Variants in BAZ1A observed in about 807,000 individuals in gnomAD.
The protein encoded by BAZ1A is bromodomain adjacent to zinc finger domain 1A, also known as bromodomain adjacent to zinc finger domain protein 1A.
BAZ1A carries 50 observed loss-of-function variants against 185.2 expected under a neutral mutation model. The ratio of observed to expected loss-of-function variants is 0.27; its 90% CI spans 0.22 to 0.34. The LOEUF is 0.34. Among genes scored for constraint, BAZ1A ranks in the 10% least tolerant of loss-of-function variants. The pLI is 1.00. For missense variants in BAZ1A, 1,356 were observed against 1,839.9 expected (o/e 0.74, Z 4.81); for synonymous variants, 571 against 615.6 (o/e 0.93, Z 1.07).
intron 2 of BAZ1A, among the ~76,000 whole-genome samples, chr14:34,868,081 T>G: frequency 6.6e-6 from 1 of 152,226 alleles, no homozygotes; most frequent in South Asian, 2.1e-4. Flanking sequence ...GCTCTTTCAA[T>G]CATCCTCTTC....
rs1555346592 is a variant in BAZ1A at position 34,872,930 on chromosome 14, A to AAAAAAC, written c.113+1561_113+1562insGTTTTT. On this transcript the variant is annotated intron_variant, in intron 2 of 26. Coordinates refer to ENST00000360310, the MANE Select transcript of BAZ1A (RefSeq NM_013448.3). ...TAAAATCCTAAAAAAAAAAAAAAAAAAAAAAAAAAAACTTGTCCAATTACC... is the reference window on the plus strand; with the variant it reads ...TAAAATCCTAAAAAAAAAAAAAAAAAAAAAACAAAAAAAAAAACTTGTCCAATTACC... Among the ~76,000 whole-genome samples the AAAAAAC allele has an allele frequency of 3.7e-5, 4 of 109,328 alleles. 1 individual carries two copies. Among genetic ancestry groups the AAAAAAC allele is most frequent in the Middle Eastern group, 4.4e-3 (1 of 226 alleles). 71.7% of individuals were successfully genotyped at this position (109,328 alleles called of 152,430 possible). A position where few individuals can be genotyped will look rare whatever the true frequency, so the allele number is the denominator to read the frequency against.
chr14:34,760,495 T>C (rs1253987506), intron 24 of BAZ1A, among the ~76,000 whole-genome samples: 2 of 151,938 alleles, frequency 1.3e-5, no homozygotes, highest in East Asian at 1.9e-4. Flanking sequence ...TGGCTTTTTT[T>C]TTTTTTTTGA....
intron 4 of BAZ1A, among the ~76,000 whole-genome samples, chr14:34,813,209 C>G (rs2041955246): frequency 1.7e-5 from 2 of 114,872 alleles, no homozygotes; most frequent in South Asian, 6.5e-4. Flanking sequence ...ATGGGGAAAC[C>G]TACAAAACAC....
chr14:34,777,023 G>A (rs115617592), intron 17 of BAZ1A, among the ~76,000 whole-genome samples: 2,874 of 152,318 alleles, frequency 0.019, 52 homozygotes, highest in African/African-American at 0.042. Flanking sequence ...ATCTAAAGGG[G>A]CATGCAAAAT....
At chr14:34,828,780 C>G (rs1218102726) in intron 3 of BAZ1A, 1 of 152,202 alleles carries the variant, frequency 6.6e-6, no homozygotes, top group Non-Finnish European at 1.5e-5. Context: ...CTCTAGCTTT[C>G]TAGAGACTCC....
intron 3 of BAZ1A, among the ~76,000 whole-genome samples, chr14:34,850,758 A>G (rs1040654069): frequency 1.2e-4 from 18 of 152,076 alleles, no homozygotes; most frequent in African/African-American, 4.3e-4. Context: ...TCTTGCACAC[A>G]CTCAACTTTC....
intron 11 of BAZ1A, among the ~76,000 whole-genome samples, chr14:34,793,499 C>A (rs1396620852): frequency 6.6e-6 from 1 of 152,192 alleles, no homozygotes; most frequent in Non-Finnish European, 1.5e-5. Context: ...AAAGAATATA[C>A]TTTTATTAAA....
At chr14:34,761,158 A>G (rs1886507345) in intron 24 of BAZ1A, among the ~76,000 whole-genome samples, 12 of 151,814 alleles carry the variant, frequency 7.9e-5, no homozygotes, top group Admixed American at 7.9e-4. Flanking sequence ...CATACCTGTA[A>G]TCCTGCTACT....
At chr14:34,768,400 C>T (rs889302026) in intron 21 of BAZ1A, among the ~76,000 whole-genome samples, 5 of 152,104 alleles carry the variant, frequency 3.3e-5, no homozygotes, top group Non-Finnish European at 5.9e-5. Context: ...ACATAAGTTC[C>T]ACAGCCATTC....
chr14:34,852,357 G>A (rs935851000), intron 3 of BAZ1A, among the ~76,000 whole-genome samples: 1 of 152,156 alleles, frequency 6.6e-6, no homozygotes, highest in African/African-American at 2.4e-5. Context: ...AATGGCTCAT[G>A]CCTGTAATCC....
chr14:34,794,856 C>T lies in BAZ1A; in HGVS notation c.1256G>A (p.Arg419Lys). Residue 419 changes from arginine (R) to lysine (K), a missense_variant, in exon 11 of 27, where the codon AGA becomes AAA. Around this residue, in one of 7 missense-constraint regions of BAZ1A, gnomAD observed 184 missense variants for 355.1 expected, o/e 0.52. Transcript: ENST00000360310. Reference sequence around the variant, plus strand: ...ATCACCAAAGATTTCAGGAGGTAGTCTAGTTTTCACTGGTGTTGGTTCTGG... The same window carrying T: ...ATCACCAAAGATTTCAGGAGGTAGTTTAGTTTTCACTGGTGTTGGTTCTGG... ...ELPEPTPVKT[R>K]LPPEIFGDAL... is the part of the protein sequence containing the mutation. 2 of 1,614,012 alleles carry T rather than the reference C, an allele frequency of 1.2e-6. No homozygotes were observed. Among genetic ancestry groups the T allele is most frequent in the Non-Finnish European group, 1.7e-6 (2 of 1,179,948 alleles).
At chr14:34,825,907 C>T (rs1594879254) in intron 4 of BAZ1A, 106 bp downstream of exon 4, 2 of 1,170,340 alleles carry the variant, frequency 1.7e-6, no homozygotes, top group Admixed American at 3.2e-5. Flanking sequence ...CACTGTACTC[C>T]AGCCTGGGCA....
At chr14:34,764,216 T>A (rs866685822) in intron 23 of BAZ1A, among the ~76,000 whole-genome samples, 1 of 152,120 alleles carries the variant, frequency 6.6e-6, no homozygotes, top group Non-Finnish European at 1.5e-5. Context: ...CTTGGGAATA[T>A]TTTTGAATGT....
intron 23 of BAZ1A, among the ~76,000 whole-genome samples, chr14:34,762,452 G>T (rs1886564902): frequency 6.6e-6 from 1 of 151,812 alleles, no homozygotes. Context: ...TATCTGCAAA[G>T]AGAATATTTT....
intron 4 of BAZ1A, among the ~76,000 whole-genome samples, chr14:34,820,121 CG>C (rs1359836172): frequency 1.1e-4 from 10 of 94,010 alleles, no homozygotes; most frequent in African/African-American, 2.1e-4. Context: ...TTGGGTTCCT[CG>C]TTTTTTTTTT....
chr14:34,758,115 CA>C (rs1192197844), intron 25 of BAZ1A, among the ~76,000 whole-genome samples: 8,673 of 62,392 alleles, frequency 0.14, 342 homozygotes, highest in East Asian at 0.35. Flanking sequence ...GACCCTGTCT[CA>C]AAAAAAAAAA....
intron 4 of BAZ1A, among the ~76,000 whole-genome samples, chr14:34,824,212 A>T (rs866389407): frequency 2.0e-5 from 3 of 150,046 alleles, no homozygotes; most frequent in African/African-American, 7.3e-5. Context: ...AAAAAAAAAA[A>T]AAAAATTAAA....
In BAZ1A at chr14:34,764,733, A is replaced by G. The variant is rs536624304; in HGVS notation, c.3750T>C (p.Asp1250=). 1.2e-6 allele frequency: 2 copies of G among 1,609,902 alleles called. No individual in the cohort carries two copies. Among genetic ancestry groups the G allele is most frequent in the Middle Eastern group, 1.7e-4 (1 of 6,056 alleles). Reference sequence around the variant, plus strand: ...TGACTTCTTCCTCTTCTTGAGAGTCATCTTCATCTTGTTCTACCTCATACT... The same window carrying G: ...TGACTTCTTCCTCTTCTTGAGAGTCGTCTTCATCTTGTTCTACCTCATACT... ...EEEYEVEQDE[D]DSQEEEEVSL... Residue 1250 remains aspartate, a synonymous_variant, in exon 23 of 27, where the codon GAT becomes GAC. Transcript: ENST00000360310.
chr14:34,775,763 T>C (rs753601944), intron 18 of BAZ1A, among the ~76,000 whole-genome samples, 156 bp downstream of exon 18: 17 of 152,176 alleles, frequency 1.1e-4, no homozygotes, highest in Non-Finnish European at 1.6e-4. Context: ...CAGAAATACA[T>C]TCCCAAACTC....
Sources: allele counts gnomAD v4.1 joint callset (sites outside exome capture counted in the v4.1 genomes callset), GRCh38; gene constraint gnomAD v4.1.1; regional missense constraint gnomAD v4.1.1; transcripts MANE v1.5; gene names NCBI Gene and HGNC (gene_info 2026-07-23, HGNC 2026-07-21).